PLCXD3: variants seen among roughly 807,000 people sequenced by gnomAD.
The protein encoded by PLCXD3 is PI-PLC X domain-containing protein 3.
PLCXD3 carries 19 observed loss-of-function variants against 25.5 expected under a neutral mutation model. The ratio of observed to expected loss-of-function variants is 0.75; its 90% CI spans 0.52 to 1.09. The LOEUF (loss-of-function observed/expected upper bound fraction) is 1.09. Ranked by LOEUF, PLCXD3 falls within the 50% of genes least tolerant of loss-of-function variation. The pLI is 0.00. For missense variants in PLCXD3, 411 were observed against 388.1 expected, an observed-to-expected ratio of 1.06 and a Z score of -0.50; for synonymous variants, 174 against 137.6, an observed-to-expected ratio of 1.26 and a Z score of -1.85.
rs1416328817 is a variant in PLCXD3 at position 41,311,941 on chromosome 5, G to A, written c.*1676C>T. 6.6e-6 allele frequency: 1 copy of A among 152,414 alleles called. No homozygotes were observed. The highest frequency in any genetic ancestry group is 2.4e-5 in the African/African-American group (1 of 41,376). The allele number at this position is 152,414 out of a possible 1,614,324, so 9.4% of individuals were successfully genotyped here. The stretch of plus-strand genomic sequence containing the variant: ...TCTATGACCCTACTTTGCATGGACT[G>A]TATTATCCTAGGAAACTATTGGGGT... On this transcript the variant is annotated 3_prime_UTR_variant, in exon 3 of 3. Coordinates refer to ENST00000377801, the MANE Select transcript of PLCXD3 (RefSeq NM_001005473.3).
chr5:41,358,753 G>A (rs181379777), intron 2 of PLCXD3, among the ~76,000 whole-genome samples: 45 of 152,166 alleles, frequency 3.0e-4, no homozygotes, highest in African/African-American at 9.9e-4. Flanking sequence ...TCAGTACTAC[G>A]CTGAATGGAA....
intron 1 of PLCXD3, among the ~76,000 whole-genome samples, chr5:41,396,396 T>A (rs1415174668): frequency 1.3e-5 from 2 of 152,188 alleles, no homozygotes; most frequent in African/African-American, 2.4e-5. Context: ...ACAATGATTG[T>A]AAGTTTCCTG....
In PLCXD3 at chr5:41,471,427, G is replaced by A. The variant is rs192237684; in HGVS notation, c.103+38997C>T. 2.1e-3 allele frequency among the ~76,000 whole-genome samples: 317 copies of A among 152,214 alleles called. 1 individual carries two copies. Among genetic ancestry groups the A allele is most frequent in the African/African-American group, 7.0e-3 (292 of 41,534 alleles). On this transcript the variant is annotated intron_variant, in intron 1 of 2. Coordinates refer to ENST00000377801, the MANE Select transcript of PLCXD3 (RefSeq NM_001005473.3). ...CCTGTCACAGCAGAAAGCAAAACTC[G>A]GTTTCCCTCAGCTGATGCCCACCCA...
At chr5:41,409,890 AG>A (rs1746467184) in intron 1 of PLCXD3, among the ~76,000 whole-genome samples, 1 of 152,240 alleles carries the variant, frequency 6.6e-6, no homozygotes, top group African/African-American at 2.4e-5. Flanking sequence ...ATATTCAAGA[AG>A]TATTAACTTT....
At chr5:41,508,821 T>G (rs1319219896) in intron 1 of PLCXD3, among the ~76,000 whole-genome samples, 1 of 152,246 alleles carries the variant, frequency 6.6e-6, no homozygotes, top group Non-Finnish European at 1.5e-5. Flanking sequence ...GGAATGGGAA[T>G]GCCTGTGGAA....
intron 2 of PLCXD3, among the ~76,000 whole-genome samples, chr5:41,370,334 G>A (rs1458086044): frequency 3.4e-5 from 1 of 29,604 alleles, no homozygotes; most frequent in African/African-American, 2.0e-4. Flanking sequence ...ATTGATGCAT[G>A]CAGTATTTTC....
chr5:41,428,031 C>T (rs768253268), intron 1 of PLCXD3, among the ~76,000 whole-genome samples: 13 of 152,296 alleles, frequency 8.5e-5, no homozygotes, highest in Non-Finnish European at 1.6e-4. Context: ...GTTCCCATTT[C>T]CCACTTTCTT....
intron 1 of PLCXD3, among the ~76,000 whole-genome samples, chr5:41,507,220 CT>C (rs2111598589): frequency 6.6e-6 from 1 of 152,294 alleles, no homozygotes; most frequent in East Asian, 1.9e-4. Flanking sequence ...GCTTTCATCT[CT>C]GTTTATCCTC....
chr5:41,459,794 C>T (rs567618648), intron 1 of PLCXD3, among the ~76,000 whole-genome samples: 1 of 152,034 alleles, frequency 6.6e-6, no homozygotes, highest in South Asian at 2.1e-4. Context: ...ATTTATATCA[C>T]TTCTTGCAAA....
At chr5:41,462,970 AAAGT>A (rs1459424102) in intron 1 of PLCXD3, among the ~76,000 whole-genome samples, 1 of 151,988 alleles carries the variant, frequency 6.6e-6, no homozygotes, top group Non-Finnish European at 1.5e-5. Context: ...GAATTAATGA[AAAGT>A]AAGAAAATGG....
Position 41,307,004 on chromosome 5 carries a change from A to AT in PLCXD3, c.*6612dup, listed in dbSNP as rs1304249809. ...TTTCACTGAATACAAATAAACTTTT[A>AT]TTTTTTACATTAAGAACACAATCTT... On this transcript the variant is annotated 3_prime_UTR_variant, in exon 3 of 3. Coordinates refer to ENST00000377801, the MANE Select transcript of PLCXD3 (RefSeq NM_001005473.3). The AT allele has an allele frequency of 6.6e-6, 1 of 152,562 alleles. No individual in the cohort carries two copies. The allele number at this position is 152,562 out of a possible 1,614,324, so 9.5% of individuals were successfully genotyped here.
chr5:41,421,885 G>A (rs923274681), intron 1 of PLCXD3, among the ~76,000 whole-genome samples: 7 of 151,912 alleles, frequency 4.6e-5, no homozygotes, highest in Non-Finnish European at 8.8e-5. Context: ...CCAAGTCCTG[G>A]TTACCCGTTA....
At chr5:41,429,118 C>G (rs900548259) in intron 1 of PLCXD3, among the ~76,000 whole-genome samples, 2 of 152,168 alleles carry the variant, frequency 1.3e-5, no homozygotes, top group East Asian at 3.9e-4. Flanking sequence ...GGAGAAATCA[C>G]CCATCCTCTC....
At chr5:41,330,194 G>A (rs568269344) in intron 2 of PLCXD3, among the ~76,000 whole-genome samples, 29 of 151,988 alleles carry the variant, frequency 1.9e-4, no homozygotes, top group African/African-American at 6.0e-4. Flanking sequence ...ATGATAGACC[G>A]CTAGCAAGAC....
chr5:41,507,145 C>T (rs1319477430), intron 1 of PLCXD3, among the ~76,000 whole-genome samples: 1 of 152,208 alleles, frequency 6.6e-6, no homozygotes, highest in Non-Finnish European at 1.5e-5. Context: ...AGTTAGAACT[C>T]TGTTTCAGAG....
At chr5:41,331,919 T>G (rs1743822679) in intron 2 of PLCXD3, among the ~76,000 whole-genome samples, 1 of 152,192 alleles carries the variant, frequency 6.6e-6, no homozygotes, top group South Asian at 2.1e-4. Context: ...GATCCCTTCC[T>G]TACACCTGAT....
chr5:41,491,878 C>G (rs1040382537), intron 1 of PLCXD3, among the ~76,000 whole-genome samples: 6 of 152,222 alleles, frequency 3.9e-5, no homozygotes, highest in African/African-American at 1.4e-4. Context: ...TGGGTCTTGA[C>G]TCTTTATCGC....
At chr5:41,476,146 C>T (rs917964073) in intron 1 of PLCXD3, among the ~76,000 whole-genome samples, 8 of 152,174 alleles carry the variant, frequency 5.3e-5, no homozygotes, top group African/African-American at 1.9e-4. Flanking sequence ...ATAAGTTGAA[C>T]CATCCTAAGC....
intron 1 of PLCXD3, among the ~76,000 whole-genome samples, chr5:41,404,690 T>C (rs1746299914): frequency 6.6e-6 from 1 of 152,182 alleles, no homozygotes; most frequent in African/African-American, 2.4e-5. Context: ...CCATTTAATA[T>C]CTTTCCAGTA....
Sources: gnomAD v4.1 joint callset for allele counts (sites outside exome capture counted in the v4.1 genomes callset) on GRCh38, gnomAD v4.1.1 for gene constraint, MANE v1.5 for transcripts, NCBI Gene and HGNC (gene_info 2026-07-23, HGNC 2026-07-21) for gene names.